SLC25A21: variants seen among roughly 807,000 people sequenced by gnomAD.
The protein encoded by SLC25A21 is mitochondrial 2-oxodicarboxylate carrier.
A neutral mutation model predicts 43.8 loss-of-function variants in SLC25A21; 47 were observed. That is an observed-to-expected ratio of 1.07 (90% CI 0.85 to 1.37). The LOEUF (loss-of-function observed/expected upper bound fraction) is 1.37. Among genes scored for constraint, SLC25A21 ranks in the 40% most tolerant of loss-of-function variants. The pLI is 0.00. For missense variants in SLC25A21, 352 were observed against 350.2 expected, an observed-to-expected ratio of 1.00 and a Z score of -0.04; for synonymous variants, 131 against 121.3, an observed-to-expected ratio of 1.08 and a Z score of -0.52.
chr14:36,925,585 A>ATG (rs1892107909), intron 1 of SLC25A21, among the ~76,000 whole-genome samples: 3 of 152,140 alleles, frequency 2.0e-5, no homozygotes, highest in Non-Finnish European at 4.4e-5. Context: ...GGTGGCTCAC[A>ATG]CCTGTAATCC....
At chr14:36,720,887 C>T (rs1013370576) in intron 6 of SLC25A21, among the ~76,000 whole-genome samples, 2 of 152,190 alleles carry the variant, frequency 1.3e-5, no homozygotes, top group Admixed American at 6.5e-5. Context: ...AAGCAGGCTG[C>T]CAGTCCGTAA....
At position 37,100,809 on chromosome 14, in the gene SLC25A21, C is replaced by T. The variant is rs551135797; in HGVS notation, c.70+71472G>A. Among the ~76,000 whole-genome samples, 237 of 152,270 alleles carry T rather than the reference C, an allele frequency of 1.6e-3. 2 individuals carry two copies. Among genetic ancestry groups the T allele is most frequent in the African/African-American group, 4.2e-3 (174 of 41,550 alleles). ...GGGCAATTTACTTAACCTCAGTTTCCGTATGAAAGGAATTAGGAAAATAAT... is the reference window on the plus strand; with the variant it reads ...GGGCAATTTACTTAACCTCAGTTTCTGTATGAAAGGAATTAGGAAAATAAT... On this transcript the variant is annotated intron_variant, in intron 1 of 9. Coordinates refer to ENST00000331299, the MANE Select transcript of SLC25A21 (RefSeq NM_030631.4).
intron 3 of SLC25A21, among the ~76,000 whole-genome samples, chr14:36,751,462 G>T (rs1885706267): frequency 6.6e-6 from 1 of 152,178 alleles, no homozygotes; most frequent in African/African-American, 2.4e-5. Flanking sequence ...TGCATGGGGA[G>T]TCTGGCTCCA....
At chr14:36,942,803 A>T (rs1341688641) in intron 1 of SLC25A21, among the ~76,000 whole-genome samples, 1 of 152,228 alleles carries the variant, frequency 6.6e-6, no homozygotes, top group African/African-American at 2.4e-5. Flanking sequence ...TGTATTTGGG[A>T]CATAAGTAAC....
chr14:37,149,814 C>T (rs1351029971), intron 1 of SLC25A21, among the ~76,000 whole-genome samples: 2 of 151,972 alleles, frequency 1.3e-5, no homozygotes, highest in East Asian at 3.8e-4. Context: ...TAGCTGTATA[C>T]ATTTCTCATT....
At chr14:36,776,015 T>G (rs548280073) in intron 3 of SLC25A21, among the ~76,000 whole-genome samples, 1 of 152,098 alleles carries the variant, frequency 6.6e-6, no homozygotes, top group Non-Finnish European at 1.5e-5. Flanking sequence ...CCACTTTCAC[T>G]GCTTTGGTTC....
chr14:36,789,667 CTCA>C (rs1169505640), intron 3 of SLC25A21, among the ~76,000 whole-genome samples: 1 of 140,476 alleles, frequency 7.1e-6, no homozygotes, highest in Non-Finnish European at 1.5e-5. Flanking sequence ...TATATAAAAA[CTCA>C]TCTTGTTACT....
chr14:37,162,585 A>T (rs2138951091), intron 1 of SLC25A21, among the ~76,000 whole-genome samples: 1 of 152,330 alleles, frequency 6.6e-6, no homozygotes, highest in Non-Finnish European at 1.5e-5. Context: ...TCAAAACCAC[A>T]ATGAGATACC....
At chr14:37,009,208 C>A (rs1960675286) in intron 1 of SLC25A21, among the ~76,000 whole-genome samples, 1 of 152,168 alleles carries the variant, frequency 6.6e-6, no homozygotes. Flanking sequence ...TAGCTTAGGG[C>A]TGGCCACAGT....
chr14:36,737,396 T>C lies in SLC25A21; in HGVS notation c.204-2823A>G, dbSNP rs571249367. Among the ~76,000 whole-genome samples, 9 of 152,274 alleles carry C rather than the reference T, an allele frequency of 5.9e-5. No homozygotes were observed. The East Asian group carries it at 9.7e-4, about 16-fold the overall frequency. On this transcript the variant is annotated intron_variant, in intron 3 of 9. Coordinates refer to ENST00000331299, the MANE Select transcript of SLC25A21 (RefSeq NM_030631.4). ...TCTGCTTTGTGTTGACGATGCTTCA[T>C]TGATGTGCCCTACTTCCCTTCTCTC...
intron 1 of SLC25A21, among the ~76,000 whole-genome samples, chr14:37,032,351 C>T (rs1052192366): frequency 7.2e-5 from 11 of 152,002 alleles, no homozygotes; most frequent in East Asian, 1.9e-4. Context: ...CTGGCTAACA[C>T]GGTGAAACCC....
At chr14:36,735,884 A>G (rs1240529057) in intron 3 of SLC25A21, among the ~76,000 whole-genome samples, 1 of 150,422 alleles carries the variant, frequency 6.6e-6, no homozygotes, top group Non-Finnish European at 1.5e-5. Context: ...ATAAAGAGGA[A>G]GAAAGGGATC....
intron 1 of SLC25A21, among the ~76,000 whole-genome samples, chr14:37,039,613 A>G (rs1198481463): frequency 1.3e-5 from 2 of 152,204 alleles, no homozygotes; most frequent in Non-Finnish European, 2.9e-5. Context: ...ATCACTGAGT[A>G]GTCTTTCATT....
At chr14:36,826,737 T>G (rs1176907311) in intron 2 of SLC25A21, among the ~76,000 whole-genome samples, 2 of 152,338 alleles carry the variant, frequency 1.3e-5, no homozygotes, top group East Asian at 3.9e-4. Context: ...CAAAGATAAG[T>G]GGCCTCTGGC....
In SLC25A21 at chr14:36,690,398, A is replaced by C. The variant is rs1253286833; in HGVS notation, c.604-5473T>G. Among the ~76,000 whole-genome samples, 29 of 152,220 alleles carry C rather than the reference A, an allele frequency of 1.9e-4. 1 individual carries two copies. The highest frequency in any genetic ancestry group is 4.4e-5 in the Non-Finnish European group (3 of 68,048). ...ACACCATTTTACAGGTAAGGACATG[A>C]GACTTAAAAAGTTAAGTCAGTTGTC... is the stretch of plus-strand genomic sequence containing the variant. On this transcript the variant is annotated intron_variant, in intron 7 of 9. Coordinates refer to ENST00000331299, the MANE Select transcript of SLC25A21 (RefSeq NM_030631.4).
At chr14:37,036,556 T>A (rs1393710014) in intron 1 of SLC25A21, among the ~76,000 whole-genome samples, 4 of 152,064 alleles carry the variant, frequency 2.6e-5, no homozygotes, top group African/African-American at 9.7e-5. Context: ...ACCAGCCTGG[T>A]CAACATAGGG....
intron 1 of SLC25A21, among the ~76,000 whole-genome samples, chr14:37,156,923 C>T (rs1243476535): frequency 6.6e-6 from 1 of 152,150 alleles, no homozygotes; most frequent in African/African-American, 2.4e-5. Flanking sequence ...CACATTAGAT[C>T]AAATGGACCT....
intron 1 of SLC25A21, among the ~76,000 whole-genome samples, chr14:37,128,102 T>C (rs765853328): frequency 8.5e-5 from 13 of 152,236 alleles, no homozygotes; most frequent in Non-Finnish European, 1.6e-4. Flanking sequence ...AAAACAGAAA[T>C]GCCTGTTCAT....
intron 1 of SLC25A21, among the ~76,000 whole-genome samples, chr14:37,091,616 T>C (rs1251622794): frequency 6.6e-6 from 1 of 152,188 alleles, no homozygotes; most frequent in Non-Finnish European, 1.5e-5. Context: ...TGGGAACATG[T>C]GCATTAGATG....
Sources: allele counts gnomAD v4.1 joint callset (sites outside exome capture counted in the v4.1 genomes callset), GRCh38; gene constraint gnomAD v4.1.1; transcripts MANE v1.5; gene names NCBI Gene and HGNC (gene_info 2026-07-23, HGNC 2026-07-21).